Variants in TMEM33 observed in about 807,000 individuals in gnomAD.
TMEM33 encodes transmembrane protein 33.
Under a neutral mutation model 29.7 loss-of-function variants are expected in TMEM33, and 16 were observed. The observed-to-expected ratio is 0.54, with a 90% confidence interval of 0.36 to 0.82. The LOEUF (loss-of-function observed/expected upper bound fraction) is 0.82. Among genes scored for constraint, TMEM33 ranks in the 40% least tolerant of loss-of-function variants. The pLI, the probability that TMEM33 is intolerant of heterozygous loss-of-function variation, is 0.00. For missense variants in TMEM33, 252 were observed against 295.3 expected, an observed-to-expected ratio of 0.85 and a Z score of 1.08; for synonymous variants, 112 against 109.4, an observed-to-expected ratio of 1.02 and a Z score of -0.15.
chr4:41,956,745 CAG>C lies in TMEM33; in HGVS notation c.*2548_*2549del, dbSNP rs1713292013. On this transcript the variant is annotated 3_prime_UTR_variant, in exon 7 of 7. Transcript: ENST00000504986. ...TATACTCATGTTTGACAAGTTGAAACAGATTTGTTTCTTAAAGGAAGGTTTAA... is the reference window on the plus strand; with the variant it reads ...TATACTCATGTTTGACAAGTTGAAACATTTGTTTCTTAAAGGAAGGTTTAA... 1.3e-5 allele frequency: 2 copies of C among 151,950 alleles called. No individual in the cohort carries two copies. The highest frequency in any genetic ancestry group is 2.1e-4 in the South Asian group (1 of 4,820). 9.4% of individuals were successfully genotyped at this position (151,950 alleles called of 1,614,324 possible). A position where few individuals can be genotyped will look rare whatever the true frequency, so the allele number is the denominator to read the frequency against.
At chr4:41,940,021 T>C (rs1712444749) in intron 3 of TMEM33, among the ~76,000 whole-genome samples, 1 of 150,810 alleles carries the variant, frequency 6.6e-6, no homozygotes. Context: ...GAAGAGGTTC[T>C]ATAGTGAACA....
At chr4:41,936,443 C>G (rs1712238389) in intron 1 of TMEM33, among the ~76,000 whole-genome samples, 1 of 152,168 alleles carries the variant, frequency 6.6e-6, no homozygotes, top group Admixed American at 6.5e-5. Context: ...TTTGGGAGGC[C>G]AAGGCGGGTG....
rs2153128170 is a variant in TMEM33, at chr4:41,954,549, A to C, written c.*350A>C. On this transcript the variant is annotated 3_prime_UTR_variant, in exon 7 of 7. Coordinates refer to ENST00000504986, the MANE Select transcript of TMEM33 (RefSeq NM_018126.3). ...TTGTTTCAACCTAATTGGTAACCTG[A>C]GTTTATATCTGGCATGAATTCATTA... 1 of 166,376 alleles carries C rather than the reference A, an allele frequency of 6.0e-6. No individual in the cohort carries two copies. Among genetic ancestry groups the C allele is most frequent in the East Asian group, 1.6e-4 (1 of 6,096 alleles). The allele number at this position is 166,376 out of a possible 1,614,324, so 10.3% of individuals were successfully genotyped here.
intron 4 of TMEM33, 112 bp from the exon 5 acceptor site, chr4:41,944,681 A>T (rs1392143183): frequency 1.7e-6 from 2 of 1,193,562 alleles, no homozygotes; most frequent in Non-Finnish European, 2.3e-6. Flanking sequence ...TCATTTCCAA[A>T]GTAGTATATT....
At position 41,958,202 on chromosome 4, in the gene TMEM33, G is replaced by A. The variant is rs907457312; in HGVS notation, c.*4003G>A. ...GTTTTTGTATTTTTAGTAGAGATGA[G>A]GTTTCACCATGTTGGCCAGGCTGGT... On this transcript the variant is annotated 3_prime_UTR_variant, in exon 7 of 7. Transcript: ENST00000504986. The A allele has an allele frequency of 6.6e-6, 1 of 152,218 alleles. No homozygotes were observed. The highest frequency in any genetic ancestry group is 1.5e-5 in the Non-Finnish European group (1 of 68,102). 9.4% of individuals were successfully genotyped at this position (152,218 alleles called of 1,614,324 possible). A position where few individuals can be genotyped will look rare whatever the true frequency, so the allele number is the denominator to read the frequency against.
At chr4:41,940,807 CAAAAA>C (rs11390153) in intron 3 of TMEM33, among the ~76,000 whole-genome samples, 1 of 53,272 alleles carries the variant, frequency 1.9e-5, no homozygotes, top group African/African-American at 6.5e-5. Flanking sequence ...GACTCCTTCT[CAAAAA>C]AAAAAAAAAA....
In TMEM33 at chr4:41,960,469, AAATTC is replaced by A. The variant is rs1414757904; in HGVS notation, c.*6275_*6279del. The stretch of plus-strand genomic sequence containing the variant: ...GTATGTCTAATATTTATTTCAATGC[AAATTC>A]AATTGTTCCTTCATCTGTATTGTTA... On this transcript the variant is annotated 3_prime_UTR_variant, in exon 7 of 7. Transcript: ENST00000504986. The A allele has an allele frequency of 6.6e-6, 1 of 152,210 alleles. No individual in the cohort carries two copies. Among genetic ancestry groups the A allele is most frequent in the African/African-American group, 2.4e-5 (1 of 41,460 alleles). 9.4% of individuals were successfully genotyped at this position (152,210 alleles called of 1,614,324 possible). A position where few individuals can be genotyped will look rare whatever the true frequency, so the allele number is the denominator to read the frequency against.
chr4:41,946,134 T>C (rs1449186749), intron 5 of TMEM33, among the ~76,000 whole-genome samples: 4 of 151,400 alleles, frequency 2.6e-5, no homozygotes, highest in African/African-American at 7.3e-5. Flanking sequence ...TCATGGAATA[T>C]GTTTCCAAAT....
At chr4:41,935,335 A>G, upstream of TMEM33, 1 of 829,848 alleles carries the variant, frequency 1.2e-6, no homozygotes, top group Non-Finnish European at 2.0e-6. Context: ...TCCCTGGTGG[A>G]GGCTCAGAGT....
At chr4:41,937,964 G>A (rs953097882) in intron 1 of TMEM33, among the ~76,000 whole-genome samples, 1 of 152,174 alleles carries the variant, frequency 6.6e-6, no homozygotes, top group African/African-American at 2.4e-5. Context: ...TAATCAGAGA[G>A]GCAGGTGGCC....
rs888715599 is a variant in TMEM33, at chr4:41,944,947, T to C, written c.530+21T>C. On this transcript the variant is annotated intron_variant, in intron 5 of 6. Transcript: ENST00000504986. Reference sequence around the variant, plus strand: ...TTTAGGTAAGGAAAAATTATATTTGTTTTGGGAGGCTGATGACTGAACGTA... The same window carrying C: ...TTTAGGTAAGGAAAAATTATATTTGCTTTGGGAGGCTGATGACTGAACGTA... 3.1e-6 allele frequency: 5 copies of C among 1,606,488 alleles called. No homozygotes were observed. In the African/African-American group the frequency reaches 6.7e-5, roughly 22 times the overall value.
At chr4:41,953,170 A>G (rs1311069848) in intron 6 of TMEM33, among the ~76,000 whole-genome samples, 3 of 152,174 alleles carry the variant, frequency 2.0e-5, no homozygotes, top group Non-Finnish European at 4.4e-5. Context: ...TTTTCTCTAC[A>G]ATGCATTCTA....
intron 3 of TMEM33, chr4:41,939,655 ACAACC>A: frequency 1.9e-6 from 1 of 531,214 alleles, no homozygotes; most frequent in South Asian, 1.6e-5. Context: ...CCTTCGAAGC[ACAACC>A]TTACGCAGAA....
chr4:41,939,844 A>G (rs936667578), intron 3 of TMEM33: 7 of 453,692 alleles, frequency 1.5e-5, no homozygotes, highest in Middle Eastern at 3.3e-4. Context: ...GAGATAATCA[A>G]TACAAAGAAA....
In TMEM33 at chr4:41,954,238, T is replaced by C. The variant is rs6835667; in HGVS notation, c.*39T>C. 85,587 of 1,600,382 alleles carry C rather than the reference T, an allele frequency of 0.053. 2,733 individuals are homozygous for C. Among genetic ancestry groups the C allele is most frequent in the African/African-American group, 0.12 (8,943 of 74,646 alleles). ...TAAGCTACAAATATAGTATAAGCATTATTAGCAGCTGGTACTTCTGCTAGG... is the reference window on the plus strand; with the variant it reads ...TAAGCTACAAATATAGTATAAGCATCATTAGCAGCTGGTACTTCTGCTAGG... On this transcript the variant is annotated 3_prime_UTR_variant, in exon 7 of 7. Coordinates refer to ENST00000504986, the MANE Select transcript of TMEM33 (RefSeq NM_018126.3).
intron 6 of TMEM33, among the ~76,000 whole-genome samples, chr4:41,953,060 G>A (rs1427282125): frequency 2.0e-5 from 3 of 152,076 alleles, no homozygotes; most frequent in African/African-American, 7.2e-5. Flanking sequence ...AATTTAATCT[G>A]AGGTTTTAGA....
At chr4:41,942,829 T>C (rs1241749560) in intron 3 of TMEM33, among the ~76,000 whole-genome samples, 2 of 152,232 alleles carry the variant, frequency 1.3e-5, no homozygotes, top group South Asian at 2.1e-4. Flanking sequence ...AGAGTTTCAA[T>C]TGACTATATA....
Position 41,954,242 on chromosome 4 carries a change from A to G in TMEM33, c.*43A>G. On this transcript the variant is annotated 3_prime_UTR_variant, in exon 7 of 7. Coordinates refer to ENST00000504986, the MANE Select transcript of TMEM33 (RefSeq NM_018126.3). ...CTACAAATATAGTATAAGCATTATTAGCAGCTGGTACTTCTGCTAGGGGTT... is the reference window on the plus strand; with the variant it reads ...CTACAAATATAGTATAAGCATTATTGGCAGCTGGTACTTCTGCTAGGGGTT... 1 of 1,599,770 alleles carries G rather than the reference A, an allele frequency of 6.3e-7. No individual in the cohort carries two copies. The highest frequency in any genetic ancestry group is 8.5e-7 in the Non-Finnish European group (1 of 1,170,272).
In TMEM33 at chr4:41,935,496, G is replaced by T; in HGVS notation, c.12G>T (p.Thr4=). The change falls in exon 1 of 7, where the codon ACG becomes ACT. Residue 4 remains threonine (T), a synonymous_variant. Coordinates refer to ENST00000504986, the MANE Select transcript of TMEM33 (RefSeq NM_018126.3). ...TAGTGTGAGCCCCCATGGCAGATACGACCCCGAACGGCCCCCAAGGGGCGG... is the reference window on the plus strand; with the variant it reads ...TAGTGTGAGCCCCCATGGCAGATACTACCCCGAACGGCCCCCAAGGGGCGG... MAD[T]TPNGPQGAGA... The T allele has an allele frequency of 6.2e-7, 1 of 1,609,902 alleles. No homozygotes were observed. The highest frequency in any genetic ancestry group is 8.5e-7 in the Non-Finnish European group (1 of 1,178,204).
Sources: gnomAD v4.1 joint callset for allele counts (sites outside exome capture counted in the v4.1 genomes callset) on GRCh38, gnomAD v4.1.1 for gene constraint, MANE v1.5 for transcripts, NCBI Gene and HGNC (gene_info 2026-07-23, HGNC 2026-07-21) for gene names.